Variants in ACTN4 observed in about 807,000 individuals in gnomAD.
ACTN4 encodes the protein alpha-actinin-4.
In ACTN4, 18 loss-of-function variants were observed where a neutral mutation model predicts 114.2. The observed-to-expected ratio is 0.16, with a 90% confidence interval of 0.11 to 0.23. ACTN4 has a LOEUF of 0.23. Ranked by LOEUF, ACTN4 falls within the 10% of genes least tolerant of loss-of-function variation. ACTN4 has a pLI of 1.00. For missense variants in ACTN4, 722 were observed against 1,262.9 expected (o/e 0.57, Z 6.49); for synonymous variants, 515 against 506.3 (o/e 1.02, Z -0.23).
rs768314562 is a variant in ACTN4, at chr19:38,724,205, G to T, written c.1741G>T (p.Asp581Tyr). The T allele has an allele frequency of 6.2e-7, 1 of 1,613,718 alleles. No individual in the cohort carries two copies. ...DQFKSTLPDA[D>Y]REREAILAIH... ...GTTCAAGTCCACCCTGCCGGACGCC[G>T]ATAGGGAGCGCGAGGCCATCCTGGC... The change falls in exon 15 of 21, where the codon GAT becomes TAT. Residue 581 changes from aspartate (D) to tyrosine (Y), a missense_variant. Asp to Tyr is a radical substitution (Grantham distance 160). Around this residue, in one of 3 missense-constraint regions of ACTN4, gnomAD observed 523 missense variants for 875.9 expected, o/e 0.60. Coordinates refer to ENST00000252699, the MANE Select transcript of ACTN4 (RefSeq NM_004924.6). This position sits in a 1 kb window ranked among gnomAD's most constrained non-coding sequence, Gnocchi z 7.0.
rs1200158966 is a variant in ACTN4 at position 38,724,108 on chromosome 19, A to G, written c.1692+31A>G. Reference sequence around the variant, plus strand: ...CACCCCCCGGCCCCCCATCTTCCCAAGAGCCTCTGTGGGGCTGGGCCGCCC... The same window carrying G: ...CACCCCCCGGCCCCCCATCTTCCCAGGAGCCTCTGTGGGGCTGGGCCGCCC... On this transcript the variant is annotated intron_variant, in intron 14 of 20. Transcript: ENST00000252699. The surrounding 1 kb of genome is among the most constrained non-coding windows in gnomAD (Gnocchi z 7.0). The G allele has an allele frequency of 6.2e-7, 1 of 1,613,452 alleles. No individual in the cohort carries two copies. Among genetic ancestry groups the G allele is most frequent in the Non-Finnish European group, 8.5e-7 (1 of 1,179,982 alleles).
At chr19:38,653,181 T>C (rs1976619024) in intron 1 of ACTN4, among the ~76,000 whole-genome samples, 1 of 151,936 alleles carries the variant, frequency 6.6e-6, no homozygotes, top group African/African-American at 2.4e-5. Flanking sequence ...CAACATATGC[T>C]CCAGTCATGG....
In ACTN4 at chr19:38,731,443, G is replaced by A. The variant is rs1969602941; in HGVS notation, c.*2011G>A. ...AGACAGCCCCGACCCCATAGGGTGT[G>A]TGAAGACAGAACGCTCAGGACAGCG... On this transcript the variant is annotated 3_prime_UTR_variant, in exon 21 of 21. Coordinates refer to ENST00000252699, the MANE Select transcript of ACTN4 (RefSeq NM_004924.6). The A allele has an allele frequency of 3.4e-6, 2 of 587,716 alleles. No homozygotes were observed. The highest frequency in any genetic ancestry group is 6.1e-6 in the Non-Finnish European group (2 of 326,276). 36.4% of individuals were successfully genotyped at this position (587,716 alleles called of 1,614,324 possible).
intron 1 of ACTN4, among the ~76,000 whole-genome samples, chr19:38,656,011 G>A (rs1391007423): frequency 6.6e-6 from 1 of 152,138 alleles, no homozygotes; most frequent in African/African-American, 2.4e-5. Context: ...ATTGTTGGTT[G>A]AATTCACAGA....
intron 1 of ACTN4, among the ~76,000 whole-genome samples, chr19:38,674,132 G>T (rs188520798): frequency 6.6e-6 from 1 of 152,054 alleles, no homozygotes; most frequent in Non-Finnish European, 1.5e-5. Flanking sequence ...GGACAGTGGG[G>T]GACTTGCAAT....
intron 1 of ACTN4, among the ~76,000 whole-genome samples, chr19:38,667,583 A>G (rs1966999408): frequency 6.6e-6 from 1 of 151,972 alleles, no homozygotes; most frequent in Admixed American, 6.6e-5. Flanking sequence ...ATTGGCTGTT[A>G]CAGTATGGAA....
chr19:38,669,431 A>G (rs922424032), intron 1 of ACTN4, among the ~76,000 whole-genome samples: 1 of 152,190 alleles, frequency 6.6e-6, no homozygotes, highest in Admixed American at 6.5e-5. Flanking sequence ...GCATCTGAAG[A>G]ATTTCTACAT....
intron 4 of ACTN4, 77 bp from the exon 5 acceptor site, chr19:38,705,967 A>T: frequency 6.7e-7 from 1 of 1,500,914 alleles, no homozygotes; most frequent in Non-Finnish European, 9.3e-7. Flanking sequence ...GCCTGAGCCG[A>T]AAGTCCCATC....
chr19:38,708,860 C>G (rs1968548624), intron 6 of ACTN4, among the ~76,000 whole-genome samples: 1 of 152,306 alleles, frequency 6.6e-6, no homozygotes, highest in African/African-American at 2.4e-5. Context: ...CACCAGATGG[C>G]ACCCAGCCCG....
chr19:38,675,891 G>A (rs904428207), intron 1 of ACTN4, among the ~76,000 whole-genome samples: 7 of 152,146 alleles, frequency 4.6e-5, no homozygotes, highest in Admixed American at 2.0e-4. Context: ...CGCAGCTCTC[G>A]CCTGTGTTGG....
chr19:38,699,155 G>A (rs1235916493), intron 1 of ACTN4, among the ~76,000 whole-genome samples: 1 of 152,190 alleles, frequency 6.6e-6, no homozygotes, highest in Non-Finnish European at 1.5e-5. Context: ...GCGCCTGGGC[G>A]TGTTGGTGTT....
Position 38,731,496 on chromosome 19 carries a change from C to T in ACTN4, c.*2064C>T. The T allele has an allele frequency of 1.9e-6, 1 of 513,710 alleles. No individual in the cohort carries two copies. The highest frequency in any genetic ancestry group is 3.6e-6 in the Non-Finnish European group (1 of 281,282). The allele number at this position is 513,710 out of a possible 1,614,324, so 31.8% of individuals were successfully genotyped here. On this transcript the variant is annotated 3_prime_UTR_variant, in exon 21 of 21. Coordinates refer to ENST00000252699, the MANE Select transcript of ACTN4 (RefSeq NM_004924.6). ...TGACACGTGACTCGATGTGTGGGTA[C>T]TGTTACTCCTTAAATCCTGTGGGGC... is the stretch of plus-strand genomic sequence containing the variant.
chr19:38,688,088 A>G (rs1967803562), intron 1 of ACTN4, among the ~76,000 whole-genome samples: 1 of 152,062 alleles, frequency 6.6e-6, no homozygotes, highest in South Asian at 2.1e-4. Context: ...AAGGTGTTCA[A>G]TGTCATTACT....
chr19:38,702,743 G>T (rs913261955), intron 3 of ACTN4, among the ~76,000 whole-genome samples: 1 of 152,190 alleles, frequency 6.6e-6, no homozygotes, highest in African/African-American at 2.4e-5. Flanking sequence ...GCAGCAGAAT[G>T]AGCATATTTC....
At chr19:38,652,823 C>T (rs1303281998) in intron 1 of ACTN4, among the ~76,000 whole-genome samples, 4 of 152,118 alleles carry the variant, frequency 2.6e-5, no homozygotes, top group Admixed American at 2.0e-4. Context: ...CAGTGGCTCG[C>T]GCCTGTAATC....
At chr19:38,705,929 TC>T in intron 4 of ACTN4, 114 bp from the exon 5 acceptor site, 1 of 971,736 alleles carries the variant, frequency 1.0e-6, no homozygotes, top group Non-Finnish European at 1.6e-6. Flanking sequence ...ACAGATATCC[TC>T]TCCCCTTGGG....
chr19:38,648,176 GAGGGTCTGGGCGTGCCATT>G, intron 1 of ACTN4: 1 of 370,992 alleles, frequency 2.7e-6, no homozygotes, highest in Non-Finnish European at 4.8e-6. Flanking sequence ...GAAGGATTTG[GAGGGTCTGGGCGTGCCATT>G]AGGGGAAACC....
intron 1 of ACTN4, among the ~76,000 whole-genome samples, chr19:38,662,789 T>G (rs1021479960): frequency 5.9e-5 from 9 of 152,130 alleles, no homozygotes; most frequent in Non-Finnish European, 1.2e-4. Context: ...TAGGAAAGTC[T>G]GTCTTGGAGG....
chr19:38,672,627 G>C (rs376582562), intron 1 of ACTN4, among the ~76,000 whole-genome samples: 8 of 150,774 alleles, frequency 5.3e-5, no homozygotes, highest in African/African-American at 2.0e-4. Flanking sequence ...AGGCTGGAGT[G>C]TAATGGCACG....
Sources: gnomAD v4.1 joint callset for allele counts (sites outside exome capture counted in the v4.1 genomes callset) on GRCh38, gnomAD v4.1.1 for gene constraint, gnomAD v4.1.1 regional missense constraint, Gnocchi (gnomAD v3.1) non-coding constraint, MANE v1.5 for transcripts, NCBI Gene and HGNC (gene_info 2026-07-23, HGNC 2026-07-21) for gene names.